CDC42EP4: variants seen among roughly 807,000 people sequenced by gnomAD.
The protein encoded by CDC42EP4 is CDC42 effector protein 4, also known as CDC42 effector protein (Rho GTPase binding) 4.
A neutral mutation model predicts 5.6 loss-of-function variants in CDC42EP4; 6 were observed. The observed-to-expected ratio is 1.07, with a 90% CI of 0.59 to 2.12. The LOEUF (loss-of-function observed/expected upper bound fraction) is 2.12, where lower values mean the gene tolerates loss of function less well. CDC42EP4 is among the 30% of genes most tolerant of loss of function. The pLI is 0.00. For missense variants in CDC42EP4, 490 were observed against 508.6 expected (o/e 0.96, Z 0.35); for synonymous variants, 230 against 224.2 (o/e 1.03, Z -0.23).
At chr17:73,301,056 TAAAA>T (rs58376913) in intron 1 of CDC42EP4, among the ~76,000 whole-genome samples, 20 of 124,538 alleles carry the variant, frequency 1.6e-4, no homozygotes, top group African/African-American at 5.5e-4. Context: ...TCAAAAAAAT[TAAAA>T]AAAAAAAAAA....
intron 1 of CDC42EP4, among the ~76,000 whole-genome samples, chr17:73,305,752 C>T (rs1251244036): frequency 6.6e-6 from 1 of 152,230 alleles, no homozygotes; most frequent in Non-Finnish European, 1.5e-5. Flanking sequence ...GATGCTGTCA[C>T]ACCCAGTGAC....
At chr17:73,293,700 C>T (rs2062172143) in intron 1 of CDC42EP4, among the ~76,000 whole-genome samples, 1 of 152,188 alleles carries the variant, frequency 6.6e-6, no homozygotes, top group Non-Finnish European at 1.5e-5. Context: ...GGGACTCTGG[C>T]TTTAGTCACC....
intron 1 of CDC42EP4, among the ~76,000 whole-genome samples, chr17:73,297,001 A>AAAAAAAAAAAAAAAAAAAAAAAAAAAAAC (rs547362762): frequency 1.6e-5 from 1 of 61,774 alleles, no homozygotes; most frequent in Non-Finnish European, 3.3e-5. Flanking sequence ...AAAAAAAAAA[A>AAAAAAAAAAAAAAAAAAAAAAAAAAAAAC]AAATACACAA....
chr17:73,295,697 G>C (rs533656896), intron 1 of CDC42EP4, among the ~76,000 whole-genome samples: 1 of 152,134 alleles, frequency 6.6e-6, no homozygotes, highest in East Asian at 1.9e-4. Context: ...GAGGTCAGGA[G>C]TTTGAGACCA....
chr17:73,289,537 A>G (rs2062150349), intron 1 of CDC42EP4, among the ~76,000 whole-genome samples: 1 of 151,384 alleles, frequency 6.6e-6, no homozygotes, highest in Admixed American at 6.6e-5. Flanking sequence ...GCTGTTCCTG[A>G]GTCGTATCTT....
chr17:73,311,897 G>A lies in CDC42EP4; in HGVS notation c.-117C>T, dbSNP rs2062277133. On this transcript the variant is annotated 5_prime_UTR_variant, in exon 1 of 2. Coordinates refer to ENST00000335793, the MANE Select transcript of CDC42EP4 (RefSeq NM_012121.5). ...AGGCGGTTGCCCGTCGCCTACCTCG[G>A]TCCCCGGAGACCCGAGCTCTGGGCC... The A allele has an allele frequency of 6.6e-6, 1 of 152,244 alleles. No homozygotes were observed. Among genetic ancestry groups the A allele is most frequent in the Non-Finnish European group, 1.5e-5 (1 of 68,048 alleles). The allele number at this position is 152,244 out of a possible 1,614,324, so 9.4% of individuals were successfully genotyped here.
At chr17:73,305,767 C>T (rs1400197068) in intron 1 of CDC42EP4, among the ~76,000 whole-genome samples, 1 of 152,236 alleles carries the variant, frequency 6.6e-6, no homozygotes, top group South Asian at 2.1e-4. Flanking sequence ...AGTGACACTC[C>T]AGCCACTGTC....
At chr17:73,288,805 C>A (rs954519438) in intron 1 of CDC42EP4, among the ~76,000 whole-genome samples, 1 of 152,210 alleles carries the variant, frequency 6.6e-6, no homozygotes, top group Admixed American at 6.5e-5. Flanking sequence ...CTTCCCCCAC[C>A]AGCAATGTCC....
At chr17:73,297,473 C>CAAAAAAAAAAAA (rs899469986) in intron 1 of CDC42EP4, among the ~76,000 whole-genome samples, 1 of 150,432 alleles carries the variant, frequency 6.6e-6, no homozygotes, top group Non-Finnish European at 1.5e-5. Context: ...GACTCTGTCT[C>CAAAAAAAAAAAA]AAAAAAAATA....
At position 73,304,277 on chromosome 17, in the gene CDC42EP4, C is replaced by CT. The variant is rs3064764; in HGVS notation, c.-113+7615dup. Among the ~76,000 whole-genome samples, 179 of 135,878 alleles carry CT rather than the reference C, an allele frequency of 1.3e-3. 1 individual carries two copies. The highest frequency in any genetic ancestry group is 2.4e-3 in the East Asian group (10 of 4,240). The allele number at this position is 135,878 out of a possible 152,430, so 89.1% of individuals were successfully genotyped here. The stretch of plus-strand genomic sequence containing the variant: ...TTAAACTGTCTCTTTTCTTCTTCTT[C>CT]TTTTTTTTTTTTTTCCTGAGAGAGG... On this transcript the variant is annotated intron_variant, in intron 1 of 1. Transcript: ENST00000335793.
At chr17:73,292,031 C>T (rs1170415794) in intron 1 of CDC42EP4, among the ~76,000 whole-genome samples, 1 of 152,240 alleles carries the variant, frequency 6.6e-6, no homozygotes, top group Non-Finnish European at 1.5e-5. Flanking sequence ...GGGACCAACA[C>T]TTCTCACTCC....
chr17:73,305,231 AC>A (rs1403663639), intron 1 of CDC42EP4, among the ~76,000 whole-genome samples: 30 of 152,268 alleles, frequency 2.0e-4, no homozygotes, highest in African/African-American at 7.2e-4. Flanking sequence ...CGGAGCCACC[AC>A]CCGAAGCCAG....
In CDC42EP4 at chr17:73,286,413, G is replaced by A; in HGVS notation, c.88C>T (p.Pro30Ser). The change falls in exon 2 of 2, where the codon CCG (proline) becomes TCG (serine). Residue 30 changes from proline to serine, a missense_variant. Coordinates refer to ENST00000335793, the MANE Select transcript of CDC42EP4 (RefSeq NM_012121.5). The surrounding 1 kb of genome is among the most constrained non-coding windows in gnomAD (Gnocchi z 7.7). ...ADLTAEMISA[P>S]LGDFRHTMHV... ...ATGGTGTGGCGGAAGTCGCCCAGCG[G>A]GGCGCTGATCATCTCGGCCGTGAGG... is the stretch of plus-strand genomic sequence containing the variant. The A allele has an allele frequency of 6.2e-7, 1 of 1,613,834 alleles. No individual in the cohort carries two copies. The highest frequency in any genetic ancestry group is 8.5e-7 in the Non-Finnish European group (1 of 1,179,938).
Position 73,285,991 on chromosome 17 carries a change from C to A in CDC42EP4, c.510G>T (p.Ala170=). The change falls in exon 2 of 2, where the codon GCG becomes GCT. Residue 170 remains alanine (A), a synonymous_variant. Coordinates refer to ENST00000335793, the MANE Select transcript of CDC42EP4 (RefSeq NM_012121.5). This position sits in a 1 kb window ranked among gnomAD's most constrained non-coding sequence, Gnocchi z 6.8. ...GGAGGGGGTCAGGGGAATGTGGACCCGCGGCCCCATTCCGACGGGGCACTG... is the reference window on the plus strand; with the variant it reads ...GGAGGGGGTCAGGGGAATGTGGACCAGCGGCCCCATTCCGACGGGGCACTG... ...EEAVPRRNGA[A]GPHSPDPLLD... 6.2e-7 allele frequency: 1 copy of A among 1,613,422 alleles called. No homozygotes were observed. Among genetic ancestry groups the A allele is most frequent in the African/African-American group, 1.3e-5 (1 of 75,050 alleles).
intron 1 of CDC42EP4, among the ~76,000 whole-genome samples, chr17:73,304,274 C>T (rs73996152): frequency 7.2e-6 from 1 of 138,698 alleles, no homozygotes; most frequent in Non-Finnish European, 1.5e-5. Flanking sequence ...TTTTCTTCTT[C>T]TTCTTTTTTT....
intron 1 of CDC42EP4, chr17:73,311,304 C>T (rs1254066680): frequency 6.6e-6 from 1 of 152,578 alleles, no homozygotes; most frequent in Non-Finnish European, 1.5e-5. Context: ...AGCTCCTTCC[C>T]TCTGGCTTCC....
chr17:73,290,093 G>A (rs975312047), intron 1 of CDC42EP4, among the ~76,000 whole-genome samples: 1 of 152,186 alleles, frequency 6.6e-6, no homozygotes, highest in African/African-American at 2.4e-5. Flanking sequence ...CCTGCACCCC[G>A]ACTCCTGGCT....
intron 1 of CDC42EP4, among the ~76,000 whole-genome samples, chr17:73,290,592 A>G (rs945149212): frequency 6.6e-6 from 1 of 152,196 alleles, no homozygotes; most frequent in Non-Finnish European, 1.5e-5. Context: ...GATATTGCCC[A>G]ATGTCCCCCA....
At chr17:73,306,367 C>T (rs1044034110) in intron 1 of CDC42EP4, among the ~76,000 whole-genome samples, 6 of 150,996 alleles carry the variant, frequency 4.0e-5, no homozygotes, top group Admixed American at 6.6e-5. Context: ...CCAGGCATGG[C>T]GGCACACGTC....
Sources: allele counts gnomAD v4.1 joint callset (sites outside exome capture counted in the v4.1 genomes callset), GRCh38; gene constraint gnomAD v4.1.1; non-coding constraint Gnocchi (gnomAD v3.1); transcripts MANE v1.5; gene names NCBI Gene and HGNC (gene_info 2026-07-23, HGNC 2026-07-21).